Variants in KARS1 observed in about 807,000 individuals in gnomAD.
KARS1 encodes lysyl-tRNA synthetase 1.
KARS1 carries 50 observed loss-of-function variants against 63.9 expected under a neutral mutation model. That is an observed-to-expected ratio of 0.78 (90% CI 0.62 to 0.99). The LOEUF is 0.99. KARS1 is among the 50% of genes least tolerant of loss of function. The pLI is 0.00. For synonymous variants in KARS1, 320 were observed against 264.6 expected, an observed-to-expected ratio of 1.21 and a Z score of -2.03; for missense variants, 816 against 754.5, an observed-to-expected ratio of 1.08 and a Z score of -0.95.
At position 75,627,757 on chromosome 16, in the gene KARS1, A is replaced by G; in HGVS notation, c.*138T>C. 1 of 696,822 alleles carries G rather than the reference A, an allele frequency of 1.4e-6. No individual in the cohort carries two copies. Among genetic ancestry groups the G allele is most frequent in the Non-Finnish European group, 2.6e-6 (1 of 379,078 alleles). The allele number at this position is 696,822 out of a possible 1,614,324, so 43.2% of individuals were successfully genotyped here. A position where few individuals can be genotyped will look rare whatever the true frequency, so the allele number is the denominator to read the frequency against. On this transcript the variant is annotated 3_prime_UTR_variant, in exon 14 of 14. Coordinates refer to ENST00000302445, the MANE Select transcript of KARS1 (RefSeq NM_005548.3). ...TAACAGGATTAAAAAGAAATTTTTA[A>G]TTCCTTGTCTCTCTTCTGATGGCTG...
chr16:75,628,220 A>G (rs1426227877), intron 13 of KARS1, among the ~76,000 whole-genome samples: 1 of 152,256 alleles, frequency 6.6e-6, no homozygotes, highest in East Asian at 1.9e-4. Context: ...CAAAAGGATG[A>G]ATAGACGCAT....
At chr16:75,633,379 A>G (rs200538886) in intron 7 of KARS1, among the ~76,000 whole-genome samples, 1 of 152,196 alleles carries the variant, frequency 6.6e-6, no homozygotes, top group East Asian at 1.9e-4. Flanking sequence ...TACCTCACCT[A>G]TAGAGCTGAA....
Position 75,627,895 on chromosome 16 carries a change from C to G in KARS1, c.1794G>C (p.Ter598TyrextTer47). ...TTATACAACTTGCAATTATTATTTT[C>G]TAGACAGAAGTGCCAACTGTTGTGC... Reference protein sequence around the residue: ...LESTTVGTSV* With the variant: ...LESTTVGTSVY Residue 598 changes from the stop codon to tyrosine (Y), a stop_lost, in exon 14 of 14, where the codon TAG becomes TAC. Transcript: ENST00000302445. The G allele has an allele frequency of 6.5e-7, 1 of 1,542,548 alleles. No homozygotes were observed. The highest frequency in any genetic ancestry group is 2.2e-5 in the East Asian group (1 of 44,544).
chr16:75,639,202 T>A (rs2082196217), intron 3 of KARS1, among the ~76,000 whole-genome samples: 1 of 152,012 alleles, frequency 6.6e-6, no homozygotes, highest in Non-Finnish European at 1.5e-5. Flanking sequence ...AAAAAAAATC[T>A]GAATACACAG....
At chr16:75,641,383 T>C (rs1173244761) in intron 2 of KARS1, among the ~76,000 whole-genome samples, 181 bp downstream of exon 2, 3 of 151,918 alleles carry the variant, frequency 2.0e-5, no homozygotes, top group East Asian at 1.9e-4. Flanking sequence ...CTTTTGGGGG[T>C]TGACATAAAA....
intron 13 of KARS1, 25 bp downstream of exon 13, chr16:75,628,544 T>G (rs1461126019): frequency 1.9e-6 from 3 of 1,612,276 alleles, no homozygotes; most frequent in Non-Finnish European, 2.5e-6. Context: ...TCAGGAAGTG[T>G]GCTCTGTGGA....
At chr16:75,647,459 C>G (rs552763202) in intron 1 of KARS1, 119 bp downstream of exon 1, 1 of 927,830 alleles carries the variant, frequency 1.1e-6, no homozygotes, top group African/African-American at 1.6e-5. Flanking sequence ...TCAGCATGTG[C>G]GTACCCACGA....
intron 7 of KARS1, chr16:75,633,894 G>A (rs1021189521): frequency 5.0e-6 from 2 of 400,182 alleles, no homozygotes; most frequent in South Asian, 2.1e-5. Flanking sequence ...TCTAATCCAC[G>A]TAAGACTTTA....
intron 3 of KARS1, among the ~76,000 whole-genome samples, chr16:75,638,573 A>G (rs1008699348): frequency 1.1e-4 from 16 of 152,348 alleles, no homozygotes; most frequent in Admixed American, 3.9e-4. Context: ...ACAAATTAGA[A>G]CTAGAAAAAC....
In KARS1 at chr16:75,628,619, T is replaced by A. The variant is rs1330255397; in HGVS notation, c.1645A>T (p.Met549Leu). 1 of 1,614,180 alleles carries A rather than the reference T, an allele frequency of 6.2e-7. No homozygotes were observed. Among genetic ancestry groups the A allele is most frequent in the South Asian group, 1.1e-5 (1 of 91,086 alleles). The change falls in exon 13 of 14, where the codon ATG becomes TTG. Residue 549 changes from methionine (M) to leucine (L), a missense_variant. Transcript: ENST00000302445. The part of the protein sequence containing the change: ...YGLPPTAGWG[M>L]GIDRVAMFLT... ...AACATGGCGACTCGATCAATGCCCA[T>A]GCCCCAGCCAGCTGTGGGGGGCAGC...
In KARS1 at chr16:75,628,882, T is replaced by C; in HGVS notation, c.1552-170A>G. The C allele has an allele frequency of 4.1e-6, 3 of 732,052 alleles. No homozygotes were observed. The South Asian group carries it at 4.6e-5, about 11-fold the overall frequency. 45.3% of individuals were successfully genotyped at this position (732,052 alleles called of 1,614,324 possible). ...AGTAACTCCAAGATGCAGCCGTTTC[T>C]TTCAAAGACCTGGAGGTCAGGACTG... On this transcript the variant is annotated intron_variant, in intron 12 of 13. Transcript: ENST00000302445.
chr16:75,643,566 A>C (rs910805091), intron 1 of KARS1, among the ~76,000 whole-genome samples: 1 of 152,086 alleles, frequency 6.6e-6, no homozygotes, highest in African/African-American at 2.4e-5. Flanking sequence ...TTTTTAGTGA[A>C]GATGGGGTTT....
At chr16:75,642,420 T>C (rs921409748) in intron 1 of KARS1, among the ~76,000 whole-genome samples, 1 of 152,046 alleles carries the variant, frequency 6.6e-6, no homozygotes, top group Non-Finnish European at 1.5e-5. Context: ...CAGACTGGTC[T>C]CAAACTCCTT....
chr16:75,630,954 A>G (rs989200512), intron 10 of KARS1, among the ~76,000 whole-genome samples: 2 of 152,166 alleles, frequency 1.3e-5, no homozygotes, highest in African/African-American at 4.8e-5. Flanking sequence ...GCTTTTTAAA[A>G]GCTGGACGGG....
rs1267480804 is a variant in KARS1 at position 75,635,820 on chromosome 16, G to A, written c.670-15C>T. The A allele has an allele frequency of 6.2e-7, 1 of 1,614,176 alleles. No individual in the cohort carries two copies. The highest frequency in any genetic ancestry group is 2.2e-5 in the East Asian group (1 of 44,884). On this transcript the variant is annotated splice_polypyrimidine_tract_variant and intron_variant, in intron 5 of 13. Coordinates refer to ENST00000302445, the MANE Select transcript of KARS1 (RefSeq NM_005548.3). ...TACCTTGTTTCCTAAACCAAAAGCA[G>A]CAGTTAGAAATCACTGGTATGTCTG...
At chr16:75,641,861 C>T (rs1028743674) in intron 1 of KARS1, 138 bp from the exon 2 acceptor site, 4 of 813,040 alleles carry the variant, frequency 4.9e-6, no homozygotes, top group African/African-American at 3.3e-5. Flanking sequence ...ATTCCACACC[C>T]ACAGCTCAGC....
At chr16:75,640,523 T>C (rs1597174368) in intron 2 of KARS1, among the ~76,000 whole-genome samples, 174 bp from the exon 3 acceptor site, 2 of 152,228 alleles carry the variant, frequency 1.3e-5, no homozygotes, top group African/African-American at 2.4e-5. Flanking sequence ...ACTTAAAATA[T>C]GCAGGGCGGC....
chr16:75,635,777 T>A lies in KARS1; in HGVS notation c.698A>T (p.Asp233Val), dbSNP rs2082154228. 6.2e-7 allele frequency: 1 copy of A among 1,614,050 alleles called. No homozygotes were observed. Among genetic ancestry groups the A allele is most frequent in the African/African-American group, 1.3e-5 (1 of 74,936 alleles). ...KETRYRQRYL[D>V]LILNDFVRQK... ...CCTCACAAAGTCATTCAGGATCAAG[T>A]CCAAGTATCTCTGGCGATACCTTGT... is the stretch of plus-strand genomic sequence containing the variant. The change falls in exon 6 of 14, where the codon GAC (aspartate) becomes GTC (valine). Residue 233 changes from aspartate (D) to valine (V), a missense_variant. Asp to Val is a radical substitution (Grantham distance 152, BLOSUM62 -3). Transcript: ENST00000302445.
rs972789417 is a variant in KARS1 at position 75,634,274 on chromosome 16, T to A, written c.814A>T (p.Asn272Tyr). Residue 272 changes from asparagine (N) to tyrosine (Y), a missense_variant, in exon 7 of 14, where the codon AAC becomes TAC. Asn to Tyr is a moderately radical substitution (Grantham distance 143). Coordinates refer to ENST00000302445, the MANE Select transcript of KARS1 (RefSeq NM_005548.3). ...GFLEIETPMM[N>Y]IIPGGAVAKP... ...GCCACGGCTCCCCCTGGGATGATGTTCATCATGGGAGTTTCAATCTAAAAA... is the reference window on the plus strand; with the variant it reads ...GCCACGGCTCCCCCTGGGATGATGTACATCATGGGAGTTTCAATCTAAAAA... 4.3e-6 allele frequency: 7 copies of A among 1,613,918 alleles called. No homozygotes were observed. The African/African-American group carries it at 9.3e-5, about 22-fold the overall frequency.
Sources: allele counts gnomAD v4.1 joint callset (sites outside exome capture counted in the v4.1 genomes callset), GRCh38; gene constraint gnomAD v4.1.1; transcripts MANE v1.5; gene names NCBI Gene and HGNC (gene_info 2026-07-23, HGNC 2026-07-21).